Variants in HDAC9 observed in about 807,000 individuals in gnomAD.
The protein encoded by HDAC9 is MEF-2 interacting transcription repressor (MITR) protein.
A neutral mutation model predicts 139.4 loss-of-function variants in HDAC9; 41 were observed. The observed-to-expected ratio is 0.29, with a 90% CI of 0.23 to 0.38. HDAC9 has a LOEUF of 0.38. Ranked by LOEUF, HDAC9 falls within the 10% of genes least tolerant of loss-of-function variation. The pLI, the probability that HDAC9 is intolerant of heterozygous loss-of-function variation, is 1.00. For synonymous variants in HDAC9, 517 were observed against 476.2 expected (o/e 1.09, Z -1.12); for missense variants, 1,147 against 1,297.0 (o/e 0.88, Z 1.78).
chr7:18,220,046 C>A (rs952901410), intron 2 of HDAC9, among the ~76,000 whole-genome samples: 2 of 152,148 alleles, frequency 1.3e-5, no homozygotes, highest in Non-Finnish European at 2.9e-5. Context: ...TAGTGCCTGG[C>A]ACACACAAGT....
chr7:18,984,054 A>G (rs546550138), intron 25 of HDAC9, among the ~76,000 whole-genome samples: 20 of 152,184 alleles, frequency 1.3e-4, no homozygotes, highest in Non-Finnish European at 2.9e-4. Context: ...ATGCTTTCTC[A>G]TGTCTCCCTT....
chr7:18,463,973 C>T (rs2128112560), intron 1 of HDAC9, among the ~76,000 whole-genome samples: 1 of 151,988 alleles, frequency 6.6e-6, no homozygotes, highest in South Asian at 2.1e-4. Flanking sequence ...CAATTATCCT[C>T]AAGGATTTGT....
intron 1 of HDAC9, among the ~76,000 whole-genome samples, chr7:18,453,686 T>G (rs1221530370): frequency 6.6e-6 from 1 of 152,216 alleles, no homozygotes; most frequent in Non-Finnish European, 1.5e-5. Context: ...TTTTGTTTTG[T>G]TTTTCATAAT....
chr7:18,222,300 A>T (rs1016184747), intron 2 of HDAC9, among the ~76,000 whole-genome samples: 1 of 152,132 alleles, frequency 6.6e-6, no homozygotes, highest in African/African-American at 2.4e-5. Flanking sequence ...TTTTAATTGT[A>T]GTTCTTTTAA....
intron 1 of HDAC9, among the ~76,000 whole-genome samples, chr7:18,464,548 A>G (rs888457358): frequency 2.0e-5 from 3 of 151,984 alleles, no homozygotes; most frequent in South Asian, 4.1e-4. Context: ...TTTTAATTGC[A>G]TGTCAGATGT....
intron 2 of HDAC9, among the ~76,000 whole-genome samples, chr7:18,257,474 G>A (rs1795353110): frequency 6.7e-6 from 1 of 149,318 alleles, no homozygotes; most frequent in African/African-American, 2.5e-5. Context: ...AATTAAAGAT[G>A]AAGTTCTACA....
intron 22 of HDAC9, among the ~76,000 whole-genome samples, chr7:18,895,114 A>G (rs999543994): frequency 6.6e-6 from 1 of 152,136 alleles, no homozygotes; most frequent in Admixed American, 6.6e-5. Context: ...AAAATAGCTT[A>G]GAACAACTTA....
At chr7:18,295,649 A>G (rs1348423885) in intron 1 of HDAC9, among the ~76,000 whole-genome samples, 1 of 152,174 alleles carries the variant, frequency 6.6e-6, no homozygotes, top group Admixed American at 6.5e-5. Context: ...AAGTACTTGA[A>G]ATCAGCACTT....
chr7:18,496,429 G>T, intron 2 of HDAC9, 105 bp downstream of exon 2: 1 of 957,822 alleles, frequency 1.0e-6, no homozygotes, highest in South Asian at 1.5e-5. Context: ...CTGCTTTTTC[G>T]TGTTGATGTT....
At chr7:18,734,584 G>A (rs1348290625) in intron 13 of HDAC9, among the ~76,000 whole-genome samples, 1 of 152,150 alleles carries the variant, frequency 6.6e-6, no homozygotes, top group Non-Finnish European at 1.5e-5. Context: ...TTTTATGGCT[G>A]CATAGTATTC....
rs376884968 is a variant in HDAC9, at chr7:18,905,999, CTCTT to C, written c.2804-29808_2804-29805del. Among the ~76,000 whole-genome samples, 179 of 150,254 alleles carry C rather than the reference CTCTT, an allele frequency of 1.2e-3. 2 individuals carry two copies. Among genetic ancestry groups the C allele is most frequent in the African/African-American group, 2.8e-3 (115 of 40,802 alleles). Reference sequence around the variant, plus strand: ...TCTCTCCTTCCTTCCTTCTCTCTCTCTCTTTATTTTTTCTTTCTTTTTGCTTTCT... The same window carrying C: ...TCTCTCCTTCCTTCCTTCTCTCTCTCTATTTTTTCTTTCTTTTTGCTTTCT... On this transcript the variant is annotated intron_variant, in intron 22 of 25. Transcript: ENST00000686413.
At chr7:18,994,554 T>C (rs1392756229) in intron 25 of HDAC9, among the ~76,000 whole-genome samples, 2 of 152,152 alleles carry the variant, frequency 1.3e-5, no homozygotes, top group Non-Finnish European at 2.9e-5. Context: ...ACAGACTCTT[T>C]TAGAATTTTC....
In HDAC9 at chr7:18,625,743, G is replaced by A. The variant is rs801509; in HGVS notation, c.665-3607G>A. On this transcript the variant is annotated intron_variant, in intron 6 of 25. Transcript: ENST00000686413. ...GTGGATCACCTGAGGTCAGGAGTTC[G>A]AGACCATCCTGGCCAACATGGTGAA... Among the ~76,000 whole-genome samples, 570 of 151,936 alleles carry A rather than the reference G, an allele frequency of 3.8e-3. 5 individuals are homozygous for A. Among genetic ancestry groups the A allele is most frequent in the African/African-American group, 0.013 (551 of 41,434 alleles).
chr7:18,188,905 T>A (rs1208413593), intron 2 of HDAC9, among the ~76,000 whole-genome samples: 1 of 152,080 alleles, frequency 6.6e-6, no homozygotes, highest in African/African-American at 2.4e-5. Flanking sequence ...GGGATGAAAA[T>A]TAGTTCAACC....
chr7:18,282,274 T>C (rs1046326734), intron 2 of HDAC9, among the ~76,000 whole-genome samples: 1 of 152,160 alleles, frequency 6.6e-6, no homozygotes, highest in Non-Finnish European at 1.5e-5. Flanking sequence ...TTCACAGCAA[T>C]TCTATGGAAT....
At chr7:18,212,617 G>T (rs1792023187) in intron 2 of HDAC9, among the ~76,000 whole-genome samples, 4 of 152,194 alleles carry the variant, frequency 2.6e-5, no homozygotes, top group African/African-American at 9.6e-5. Context: ...GTAAGATGTT[G>T]CAGTGAAGTT....
chr7:18,660,997 A>G (rs924403495), intron 11 of HDAC9, among the ~76,000 whole-genome samples: 2 of 152,168 alleles, frequency 1.3e-5, no homozygotes, highest in East Asian at 3.9e-4. Flanking sequence ...TTTAAAAATC[A>G]TTATTAGAGC....
intron 1 of HDAC9, among the ~76,000 whole-genome samples, chr7:18,490,525 C>A (rs995467008): frequency 1.3e-5 from 2 of 152,042 alleles, no homozygotes; most frequent in East Asian, 1.9e-4. Flanking sequence ...TAAAATCTTG[C>A]GTCAGATGAG....
At chr7:18,912,597 C>G (rs560578173) in intron 22 of HDAC9, among the ~76,000 whole-genome samples, 11 of 152,056 alleles carry the variant, frequency 7.2e-5, no homozygotes, top group Admixed American at 2.0e-4. Flanking sequence ...GTCCCACTAG[C>G]ATCCAGTGGG....
Sources: gnomAD v4.1 joint callset for allele counts (sites outside exome capture counted in the v4.1 genomes callset) on GRCh38, gnomAD v4.1.1 for gene constraint, MANE v1.5 for transcripts, NCBI Gene and HGNC (gene_info 2026-07-23, HGNC 2026-07-21) for gene names.